Variants in CXorf58 observed in about 807,000 individuals in gnomAD.
CXorf58 encodes the protein uncharacterized protein CXorf58.
In CXorf58, 24 loss-of-function variants were observed where a neutral mutation model predicts 26.0. The ratio of observed to expected loss-of-function variants is 0.92; its 90% CI spans 0.67 to 1.30. CXorf58 has a LOEUF of 1.30. Ranked by LOEUF, CXorf58 falls within the 50% of genes most tolerant of loss-of-function variation. CXorf58 has a pLI of 0.00. For missense variants in CXorf58, 236 were observed against 263.9 expected, an observed-to-expected ratio of 0.89 and a Z score of 0.73; for synonymous variants, 87 against 86.1, an observed-to-expected ratio of 1.01 and a Z score of -0.06.
chrX:23,918,407 A>G (rs989297703), intron 5 of CXorf58, among the ~76,000 whole-genome samples: 3 of 111,997 alleles, frequency 2.7e-5, no homozygotes, highest in Non-Finnish European at 5.6e-5. Flanking sequence ...ATTAACACAG[A>G]TTGCTTCAAC....
At chrX:23,931,158 C>T (rs1928158829) in intron 6 of CXorf58, among the ~76,000 whole-genome samples, 1 of 111,851 alleles carries the variant, frequency 8.9e-6, no homozygotes, top group African/African-American at 3.3e-5. Context: ...CTTAGAGACT[C>T]CCAATTATGT....
In CXorf58 at chrX:23,931,974, A is replaced by T. The variant is rs1309014231; in HGVS notation, c.556-3222A>T. Among the ~76,000 whole-genome samples the T allele has an allele frequency of 3.6e-5, 4 of 112,660 alleles. No homozygotes were observed. In the South Asian group the frequency reaches 1.4e-3, roughly 41 times the overall value. ...AAAGTGTTTAGTTTCTTCATAAAAT[A>T]TCTTACCAACTGTGAATATACTGGA... On this transcript the variant is annotated intron_variant, in intron 6 of 8. Transcript: ENST00000379211.
At chrX:23,927,589 T>A (rs1044118947) in intron 6 of CXorf58, among the ~76,000 whole-genome samples, 34 of 111,757 alleles carry the variant, frequency 3.0e-4, no homozygotes, top group African/African-American at 1.0e-3. Context: ...AATTTTTTTT[T>A]AATTTAACTT....
intron 5 of CXorf58, among the ~76,000 whole-genome samples, chrX:23,920,979 A>G (rs112110221): frequency 0.088 from 9,752 of 110,798 alleles, 976 homozygotes; most frequent in African/African-American, 0.28. Flanking sequence ...TATATAGATC[A>G]ACTTCAAATG....
chrX:23,934,030 CA>C (rs5901746), intron 6 of CXorf58, among the ~76,000 whole-genome samples: 86 of 98,187 alleles, frequency 8.8e-4, no homozygotes, highest in Non-Finnish European at 9.1e-4. Context: ...GACCCTGTCT[CA>C]AAAAAAAAAA....
chrX:23,916,245 A>T lies in CXorf58; in HGVS notation c.340A>T (p.Ile114Phe). ...RFRGETFPPF[I>F]VFKIFLHTDG... Reference sequence around the variant, plus strand: ...TAGAGGTGAAACGTTTCCACCTTTCATCGTGTTTAAAATTTTTCTTCATAC... The same window carrying T: ...TAGAGGTGAAACGTTTCCACCTTTCTTCGTGTTTAAAATTTTTCTTCATAC... Residue 114 changes from isoleucine to phenylalanine, a missense_variant, in exon 5 of 9, where the codon ATC becomes TTC. Physicochemically the swap from Ile to Phe is conservative, Grantham distance 21. Coordinates refer to ENST00000379211, the MANE Select transcript of CXorf58 (RefSeq NM_152761.3). 1 of 1,196,227 alleles carries T rather than the reference A, an allele frequency of 8.4e-7. No homozygotes were observed. The highest frequency in any genetic ancestry group is 3.0e-5 in the East Asian group (1 of 33,697).
intron 7 of CXorf58, among the ~76,000 whole-genome samples, chrX:23,936,317 G>A (rs1445278153): frequency 8.9e-6 from 1 of 111,752 alleles, no homozygotes; most frequent in Non-Finnish European, 1.9e-5. Flanking sequence ...CTTTTTTGCT[G>A]AAGGTTATAA....
In CXorf58 at chrX:23,926,546, A is replaced by G. The variant is rs575877271; in HGVS notation, c.424-693A>G. Among the ~76,000 whole-genome samples the G allele has an allele frequency of 1.3e-4, 15 of 112,007 alleles. 1 individual carries two copies. In the South Asian group the frequency reaches 4.5e-3, roughly 33 times the overall value. On this transcript the variant is annotated intron_variant, in intron 5 of 8. Coordinates refer to ENST00000379211, the MANE Select transcript of CXorf58 (RefSeq NM_152761.3). ...AGTGACACCTTTCATTGCAGTTCCTACGGTAACTCGTTGAATCACCAGATA... is the reference window on the plus strand; with the variant it reads ...AGTGACACCTTTCATTGCAGTTCCTGCGGTAACTCGTTGAATCACCAGATA...
intron 5 of CXorf58, among the ~76,000 whole-genome samples, chrX:23,921,620 C>CTCAA (rs1927870054): frequency 2.7e-5 from 3 of 111,875 alleles, no homozygotes. Context: ...TCTAAGCTTA[C>CTCAA]TCAACTCTGT....
In CXorf58 at chrX:23,935,272, A is replaced by C; in HGVS notation, c.632A>C (p.Asn211Thr). Reference sequence around the variant, plus strand: ...AGCTGGCGCAAATTAAATCTTGAAAATATTCCCAGGACAATGCTAATGTAT... The same window carrying C: ...AGCTGGCGCAAATTAAATCTTGAAACTATTCCCAGGACAATGCTAATGTAT... ...NNSWRKLNLENIPRTMLMYDI... is the reference protein window; with the variant it reads ...NNSWRKLNLETIPRTMLMYDI... The change falls in exon 7 of 9, where the codon AAT (asparagine) becomes ACT (threonine). Residue 211 changes from asparagine to threonine, a missense_variant. Transcript: ENST00000379211. 1 of 1,210,624 alleles carries C rather than the reference A, an allele frequency of 8.3e-7. No individual in the cohort carries two copies.
chrX:23,925,711 G>A (rs1007348839), intron 5 of CXorf58, among the ~76,000 whole-genome samples: 19 of 107,559 alleles, frequency 1.8e-4, no homozygotes, highest in Non-Finnish European at 2.5e-4. Context: ...CACAAATACC[G>A]CATTCTGACA....
intron 6 of CXorf58, among the ~76,000 whole-genome samples, chrX:23,929,323 G>A (rs150867590): frequency 0.039 from 4,114 of 105,316 alleles, 100 homozygotes; most frequent in Non-Finnish European, 0.059. Flanking sequence ...GGAGAATGGC[G>A]TGAACCCAGG....
At chrX:23,910,170 T>C in intron 1 of CXorf58, 113 bp from the exon 2 acceptor site, 1 of 408,435 alleles carries the variant, frequency 2.4e-6, no homozygotes, top group East Asian at 4.4e-5. Flanking sequence ...CCACAATGCC[T>C]TCCTTTTTAA....
chrX:23,915,795 G>A lies in CXorf58; in HGVS notation c.311+1G>A, dbSNP rs62584865. ...CTATGCAGTGTAAAATTAGATTCAG[G>A]TAATGTATCTATGCTGATTTATTTC... On this transcript the variant is annotated splice_donor_variant, in intron 4 of 8. Transcript: ENST00000379211. LOFTEE classifies it high-confidence loss of function. The A allele has an allele frequency of 0.015, 15,355 of 1,050,340 alleles. 89 individuals carry two copies. The highest frequency in any genetic ancestry group is 0.018 in the Non-Finnish European group (13,393 of 755,038). The allele number at this position is 1,050,340 out of a possible 1,213,427, so 86.6% of individuals were successfully genotyped here.
chrX:23,910,074 T>C (rs951360883), intron 1 of CXorf58, among the ~76,000 whole-genome samples: 21 of 111,936 alleles, frequency 1.9e-4, no homozygotes, highest in Non-Finnish European at 3.4e-4. Flanking sequence ...GTTAGAAGGC[T>C]ATGGATAGAT....
chrX:23,925,346 CTTTT>C (rs759663219), intron 5 of CXorf58, among the ~76,000 whole-genome samples: 5 of 91,938 alleles, frequency 5.4e-5, no homozygotes, highest in South Asian at 4.7e-4. Flanking sequence ...TTTCTTTTCT[CTTTT>C]TTTTTTTTTT....
At chrX:23,927,610 T>C (rs1251677289) in intron 6 of CXorf58, among the ~76,000 whole-genome samples, 2 of 111,260 alleles carry the variant, frequency 1.8e-5, no homozygotes, top group Non-Finnish European at 3.8e-5. Context: ...TTATTTTAAG[T>C]TCAGGGGTAC....
At chrX:23,920,119 A>T (rs1601961437) in intron 5 of CXorf58, among the ~76,000 whole-genome samples, 2 of 112,286 alleles carry the variant, frequency 1.8e-5, no homozygotes, top group African/African-American at 6.5e-5. Context: ...TGAAGCAAGC[A>T]TAGCACTGGG....
chrX:23,914,919 G>A (rs771941879), intron 3 of CXorf58, among the ~76,000 whole-genome samples: 243 of 111,037 alleles, frequency 2.2e-3, no homozygotes, highest in African/African-American at 7.7e-3. Flanking sequence ...CGGCTCACAA[G>A]GTCAGGAGTT....
Sources: allele counts gnomAD v4.1 joint callset (sites outside exome capture counted in the v4.1 genomes callset), GRCh38; gene constraint gnomAD v4.1.1; transcripts MANE v1.5; gene names NCBI Gene and HGNC (gene_info 2026-07-23, HGNC 2026-07-21).